Variants in ASF1B observed in about 807,000 individuals in gnomAD.
ASF1B encodes anti-silencing function 1B histone chaperone.
Under a neutral mutation model 16.6 loss-of-function variants are expected in ASF1B, and 10 were observed. The observed-to-expected ratio is 0.60, with a 90% CI of 0.37 to 1.02. The LOEUF is 1.02. ASF1B is among the 50% of genes least tolerant of loss of function. The probability of loss-of-function intolerance (pLI) is 0.01; values close to 1 mark genes in which losing one functional copy is unlikely to be tolerated. For synonymous variants in ASF1B, 101 were observed against 106.2 expected, an observed-to-expected ratio of 0.95 and a Z score of 0.30; for missense variants, 240 against 266.0, an observed-to-expected ratio of 0.90 and a Z score of 0.68.
At position 14,136,132 on chromosome 19, in the gene ASF1B, C is replaced by CA. The variant is rs1255966861; in HGVS notation, c.109+215dup. Among the ~76,000 whole-genome samples, 3 of 101,544 alleles carry CA rather than the reference C, an allele frequency of 3.0e-5. No individual in the cohort carries two copies. The Admixed American group carries it at 3.3e-4, about 11-fold the overall frequency. The allele number at this position is 101,544 out of a possible 152,430, so 66.6% of individuals were successfully genotyped here. A position where few individuals can be genotyped will look rare whatever the true frequency, so the allele number is the denominator to read the frequency against. On this transcript the variant is annotated intron_variant, in intron 1 of 3. Transcript: ENST00000263382. Reference sequence around the variant, plus strand: ...TCTCCACCCGGGAGGTCAAGGCGGGCAGTGGGGGAGGAGGTCACGGGGAGG... The same window carrying CA: ...TCTCCACCCGGGAGGTCAAGGCGGGCAAGTGGGGGAGGAGGTCACGGGGAGG...
At chr19:14,126,359 C>T (rs1276827461) in intron 1 of ASF1B, 122 bp from the exon 2 acceptor site, 3 of 663,014 alleles carry the variant, frequency 4.5e-6, no homozygotes, top group Middle Eastern at 3.8e-4. Context: ...GGTTAGAATA[C>T]AGTGATGCGA....
chr19:14,127,150 T>C (rs1967331060), intron 1 of ASF1B, among the ~76,000 whole-genome samples: 1 of 152,246 alleles, frequency 6.6e-6, no homozygotes, highest in African/African-American at 2.4e-5. Context: ...GTCAGACACT[T>C]AGTGCCAGGC....
intron 1 of ASF1B, among the ~76,000 whole-genome samples, chr19:14,135,088 G>A (rs1042120395): frequency 6.6e-6 from 1 of 151,988 alleles, no homozygotes; most frequent in African/African-American, 2.4e-5. Flanking sequence ...GCTGGGCGTG[G>A]TGACAGGCGC....
At position 14,120,497 on chromosome 19, in the gene ASF1B, G is replaced by C; in HGVS notation, c.571C>G (p.Pro191Ala). ...ATGGAGTTCTCAGGGAGGAGGCCAG[G>C]GATGCAGCCAGGGAGCCCCAAGCCC... ...IKGLGLPGCI[P>A]GLLPENSMDC... The change falls in exon 4 of 4, where the codon CCT becomes GCT. Residue 191 changes from proline to alanine, a missense_variant. Transcript: ENST00000263382. 6.2e-7 allele frequency: 1 copy of C among 1,613,042 alleles called. No homozygotes were observed. The highest frequency in any genetic ancestry group is 1.3e-5 in the African/African-American group (1 of 74,986).
chr19:14,132,606 G>A (rs946230601), intron 1 of ASF1B, among the ~76,000 whole-genome samples: 3 of 152,092 alleles, frequency 2.0e-5, no homozygotes, highest in Non-Finnish European at 4.4e-5. Flanking sequence ...TATCACTTGC[G>A]ATCAGGTTTG....
intron 2 of ASF1B, among the ~76,000 whole-genome samples, chr19:14,123,089 C>T (rs1226954183): frequency 3.9e-5 from 6 of 152,196 alleles, no homozygotes; most frequent in Admixed American, 3.9e-4. Context: ...GAAAACACCA[C>T]GCCCCTCCAG....
chr19:14,120,632 C>G lies in ASF1B; in HGVS notation c.436G>C (p.Val146Leu). The change falls in exon 4 of 4, where the codon GTG (valine) becomes CTG (leucine). Residue 146 changes from valine to leucine, a missense_variant. By Grantham distance (32) the Val-to-Leu change is conservative. Coordinates refer to ENST00000263382, the MANE Select transcript of ASF1B (RefSeq NM_018154.3). ...QRNILASNPR[V>L]TRFHINWDNN... is the part of the protein sequence containing the mutation. The stretch of plus-strand genomic sequence containing the variant: ...TCCCAGTTGATATGGAAGCGGGTCA[C>G]CCGGGGGTTCGAGGCCAAGATGTTC... 1 of 1,614,032 alleles carries G rather than the reference C, an allele frequency of 6.2e-7. No individual in the cohort carries two copies. The highest frequency in any genetic ancestry group is 8.5e-7 in the Non-Finnish European group (1 of 1,180,012).
chr19:14,129,242 C>A (rs1403021879), intron 1 of ASF1B, among the ~76,000 whole-genome samples: 2 of 151,278 alleles, frequency 1.3e-5, no homozygotes, highest in South Asian at 2.1e-4. Flanking sequence ...CGACAGAGAC[C>A]CTATCTCAAA....
At chr19:14,136,314 G>C (rs777905814) in intron 1 of ASF1B, 34 bp downstream of exon 1, 2 of 1,587,774 alleles carry the variant, frequency 1.3e-6, no homozygotes, top group Middle Eastern at 1.7e-4. Flanking sequence ...GGGTCGGCCC[G>C]GGGGTGGGGG....
intron 1 of ASF1B, among the ~76,000 whole-genome samples, chr19:14,134,384 T>TA (rs780986765): frequency 2.6e-5 from 4 of 152,026 alleles, no homozygotes; most frequent in Non-Finnish European, 4.4e-5. Context: ...CCCACTGGCC[T>TA]ACCCAAAGCA....
At chr19:14,131,575 T>A (rs999922557) in intron 1 of ASF1B, among the ~76,000 whole-genome samples, 9 of 150,056 alleles carry the variant, frequency 6.0e-5, no homozygotes, top group Admixed American at 1.3e-4. Context: ...CTCTGCCTCC[T>A]GGGTTCACGC....
intron 1 of ASF1B, among the ~76,000 whole-genome samples, chr19:14,130,787 G>GTATATATATATATATATATATA (rs61351900): frequency 7.7e-5 from 11 of 142,470 alleles, no homozygotes; most frequent in African/African-American, 2.9e-4. Flanking sequence ...GTGTTTGTGT[G>GTATATATATATATATATATATA]TATATATATA....
At chr19:14,135,035 C>G (rs1967465856) in intron 1 of ASF1B, among the ~76,000 whole-genome samples, 1 of 151,788 alleles carries the variant, frequency 6.6e-6, no homozygotes, top group African/African-American at 2.4e-5. Context: ...ACCAACCTGG[C>G]TAACATGGTG....
intron 1 of ASF1B, among the ~76,000 whole-genome samples, chr19:14,129,678 C>CAAAAAAAAAAAAAAAAAAAAA: frequency 2.9e-5 from 1 of 34,622 alleles, no homozygotes; most frequent in Non-Finnish European, 4.8e-5. Flanking sequence ...CAGCCTCCGT[C>CAAAAAAAAAAAAAAAAAAAAA]AAAAAAAAAA....
Position 14,136,552 on chromosome 19 carries a change from G to A in ASF1B, c.-96C>T, listed in dbSNP as rs566343955. On this transcript the variant is annotated 5_prime_UTR_variant, in exon 1 of 4. Transcript: ENST00000263382. ...GGGGTCAGTGGGGTAGGGCTGACCA[G>A]GTCCACTCCCGCCTCTTCTCTCCGA... is the stretch of plus-strand genomic sequence containing the variant. 17 of 951,040 alleles carry A rather than the reference G, an allele frequency of 1.8e-5. No individual in the cohort carries two copies. Among genetic ancestry groups the A allele is most frequent in the Non-Finnish European group, 2.5e-5 (16 of 639,992 alleles). The allele number at this position is 951,040 out of a possible 1,614,324, so 58.9% of individuals were successfully genotyped here.
intron 2 of ASF1B, among the ~76,000 whole-genome samples, chr19:14,122,601 CCT>C (rs1967257107): frequency 6.6e-6 from 1 of 152,124 alleles, no homozygotes; most frequent in African/African-American, 2.4e-5. Context: ...CTCAAGCGAT[CCT>C]CTCACCTCAG....
At chr19:14,132,675 G>A (rs750062817) in intron 1 of ASF1B, among the ~76,000 whole-genome samples, 5 of 151,970 alleles carry the variant, frequency 3.3e-5, no homozygotes, top group East Asian at 3.9e-4. Flanking sequence ...AAAATTAGCC[G>A]GGCATGGTGG....
rs1599356162 is a variant in ASF1B at position 14,121,638 on chromosome 19, C to G, written c.296G>C (p.Cys99Ser). 6.2e-7 allele frequency: 1 copy of G among 1,613,840 alleles called. No homozygotes were observed. The highest frequency in any genetic ancestry group is 1.3e-5 in the African/African-American group (1 of 74,852). ...AVGVTVVLIT[C>S]TYHGQEFIRV... ...GATGAACTCCTGTCCATGGTAGGTGCAGGTGATGAGGACCACAGTCACACC... is the reference window on the plus strand; with the variant it reads ...GATGAACTCCTGTCCATGGTAGGTGGAGGTGATGAGGACCACAGTCACACC... Residue 99 changes from cysteine (C) to serine (S), a missense_variant, in exon 3 of 4, where the codon TGC (cysteine) becomes TCC (serine). By Grantham distance (112) the Cys-to-Ser change is moderately radical (BLOSUM62 -1). Transcript: ENST00000263382.
intron 1 of ASF1B, among the ~76,000 whole-genome samples, chr19:14,134,073 G>C (rs547300566): frequency 2.4e-4 from 37 of 151,914 alleles, no homozygotes; most frequent in Non-Finnish European, 4.4e-4. Flanking sequence ...CAAAGTGCTG[G>C]GATTACAGGC....
Sources: gnomAD v4.1 joint callset for allele counts (sites outside exome capture counted in the v4.1 genomes callset) on GRCh38, gnomAD v4.1.1 for gene constraint, MANE v1.5 for transcripts, NCBI Gene and HGNC (gene_info 2026-07-23, HGNC 2026-07-21) for gene names.